The following CATSPERB variants were observed in gnomAD, a reference collection of about 807,000 sequenced individuals.
The protein encoded by CATSPERB is catsper channel auxiliary subunit beta.
Under a neutral mutation model 128.3 loss-of-function variants are expected in CATSPERB, and 93 were observed. That is an observed-to-expected ratio of 0.72 (90% CI 0.61 to 0.86). The LOEUF (loss-of-function observed/expected upper bound fraction) is 0.86, where lower values mean the gene tolerates loss of function less well. Ranked by LOEUF, CATSPERB falls within the 40% of genes least tolerant of loss-of-function variation. The pLI, the probability that CATSPERB is intolerant of heterozygous loss-of-function variation, is 0.00. For synonymous variants in CATSPERB, 381 were observed against 448.8 expected (o/e 0.85, Z 1.91); for missense variants, 1,153 against 1,329.5 (o/e 0.87, Z 2.06).
intron 26 of CATSPERB, among the ~76,000 whole-genome samples, chr14:91,584,286 C>T (rs1893258422): frequency 6.6e-6 from 1 of 152,038 alleles, no homozygotes; most frequent in Non-Finnish European, 1.5e-5. Context: ...CCAGGCTGGT[C>T]TCGAACTCCT....
chr14:91,623,529 C>A (rs1246565149), intron 18 of CATSPERB, among the ~76,000 whole-genome samples: 1 of 152,180 alleles, frequency 6.6e-6, no homozygotes, highest in East Asian at 1.9e-4. Context: ...GTCTCTAGCC[C>A]AGCCATCTTC....
At chr14:91,697,772 G>T (rs1481132193) in intron 7 of CATSPERB, among the ~76,000 whole-genome samples, 2 of 152,126 alleles carry the variant, frequency 1.3e-5, no homozygotes, top group Non-Finnish European at 2.9e-5. Flanking sequence ...TGCTGTTTTG[G>T]TTACTGCAGT....
At chr14:91,654,258 T>C (rs1894752510) in intron 15 of CATSPERB, among the ~76,000 whole-genome samples, 1 of 152,144 alleles carries the variant, frequency 6.6e-6, no homozygotes, top group Non-Finnish European at 1.5e-5. Context: ...AGAAATCAGC[T>C]TGGGTACCAG....
chr14:91,715,328 G>A (rs1327242950), intron 5 of CATSPERB, among the ~76,000 whole-genome samples: 2 of 151,948 alleles, frequency 1.3e-5, no homozygotes, highest in East Asian at 1.9e-4. Context: ...TTGGGAGGCC[G>A]AGGTGGGTGG....
rs571584280 is a variant in CATSPERB at position 91,710,029 on chromosome 14, G to T, written c.371-1793C>A. On this transcript the variant is annotated intron_variant, in intron 5 of 26. Coordinates refer to ENST00000256343, the MANE Select transcript of CATSPERB (RefSeq NM_024764.4). ...TATAGTGAACAATGTATATGAAACA[G>T]CCAAGAGGCTGTGTGAATAGTATTA... 4.1e-4 allele frequency: 63 copies of T among 154,610 alleles called. 2 individuals carry two copies. Among genetic ancestry groups the T allele is most frequent in the Non-Finnish European group, 1.5e-5 (1 of 68,142 alleles). 9.6% of individuals were successfully genotyped at this position (154,610 alleles called of 1,614,324 possible). A position where few individuals can be genotyped will look rare whatever the true frequency, so the allele number is the denominator to read the frequency against.
At chr14:91,673,901 A>C (rs1895145320) in intron 12 of CATSPERB, among the ~76,000 whole-genome samples, 1 of 151,926 alleles carries the variant, frequency 6.6e-6, no homozygotes, top group Admixed American at 6.6e-5. Flanking sequence ...AAAAATCCTT[A>C]ATGTCTGTGC....
chr14:91,659,770 G>C, intron 15 of CATSPERB, 67 bp downstream of exon 15: 1 of 1,487,622 alleles, frequency 6.7e-7, no homozygotes, highest in Non-Finnish European at 9.1e-7. Context: ...AATACGGCAG[G>C]TTTTTCATAT....
chr14:91,682,524 T>A (rs1001665099), intron 11 of CATSPERB, among the ~76,000 whole-genome samples: 2 of 152,184 alleles, frequency 1.3e-5, no homozygotes, highest in African/African-American at 4.8e-5. Flanking sequence ...CCTTCTCACA[T>A]GGAGTCAACC....
In CATSPERB at chr14:91,670,012, G is replaced by T. The variant is rs761172563; in HGVS notation, c.1129-40C>A. The T allele has an allele frequency of 3.8e-6, 6 of 1,563,218 alleles. No individual in the cohort carries two copies. In the South Asian group the frequency reaches 5.9e-5, roughly 15 times the overall value. ...AATGAGCAAGTCATAAGACTAGTCT[G>T]TGTTACAAATTTTAGAATTTCCTGT... is the stretch of plus-strand genomic sequence containing the variant. On this transcript the variant is annotated intron_variant, in intron 13 of 26. Coordinates refer to ENST00000256343, the MANE Select transcript of CATSPERB (RefSeq NM_024764.4).
chr14:91,616,789 T>G (rs2139783097), intron 20 of CATSPERB, among the ~76,000 whole-genome samples: 1 of 135,966 alleles, frequency 7.4e-6, no homozygotes, highest in South Asian at 2.6e-4. Flanking sequence ...TTGCCCAGGC[T>G]GGAGTGCAAT....
chr14:91,685,559 T>C (rs1895359624), intron 10 of CATSPERB, among the ~76,000 whole-genome samples: 2 of 152,158 alleles, frequency 1.3e-5, no homozygotes, highest in African/African-American at 4.8e-5. Context: ...ACCTAAAATC[T>C]TGTGAGGCTA....
intron 22 of CATSPERB, chr14:91,604,702 C>T (rs1226248169): frequency 6.2e-7 from 1 of 1,613,322 alleles, no homozygotes; most frequent in African/African-American, 1.3e-5. Flanking sequence ...TCTGGTTGCT[C>T]CAGGTTGAAT....
chr14:91,633,803 A>C (rs1267952206), intron 17 of CATSPERB, among the ~76,000 whole-genome samples: 1 of 151,968 alleles, frequency 6.6e-6, no homozygotes, highest in Non-Finnish European at 1.5e-5. Context: ...GGTTTAAGAA[A>C]ACTATGAAAT....
At chr14:91,604,513 A>T in intron 22 of CATSPERB, 1 of 1,603,728 alleles carries the variant, frequency 6.2e-7, no homozygotes, top group Non-Finnish European at 8.5e-7. Context: ...CTTCCCCAGC[A>T]GCTTCCAAGG....
intron 15 of CATSPERB, among the ~76,000 whole-genome samples, chr14:91,650,216 T>C (rs1894679579): frequency 6.6e-6 from 1 of 152,214 alleles, no homozygotes; most frequent in African/African-American, 2.4e-5. Flanking sequence ...TTTTATAAAG[T>C]GTCATCACTT....
intron 20 of CATSPERB, among the ~76,000 whole-genome samples, chr14:91,612,580 T>C (rs1275456407): frequency 6.6e-6 from 1 of 152,210 alleles, no homozygotes; most frequent in Non-Finnish European, 1.5e-5. Context: ...CTTTGAACAA[T>C]ATTAAACAGC....
At position 91,704,656 on chromosome 14, in the gene CATSPERB, T is replaced by C; in HGVS notation, c.512A>G (p.Glu171Gly). Residue 171 changes from glutamate (E) to glycine (G), a missense_variant, in exon 7 of 27, where the codon GAA becomes GGA. Physicochemically the swap from Glu to Gly is moderately conservative, Grantham distance 98. Transcript: ENST00000256343. ...CACATGTGGATATAATTTACTGATT[T>C]CACTTTCTGGAATCACATCCCCAGG... ...WTPGDVIPES[E>G]ISKLYPHVVD... 1 of 1,613,900 alleles carries C rather than the reference T, an allele frequency of 6.2e-7. No homozygotes were observed. The highest frequency in any genetic ancestry group is 1.7e-5 in the Admixed American group (1 of 60,004).
intron 10 of CATSPERB, among the ~76,000 whole-genome samples, chr14:91,684,543 T>C (rs1447504407): frequency 1.3e-5 from 2 of 152,054 alleles, no homozygotes; most frequent in African/African-American, 2.4e-5. Context: ...ATCTGTATGA[T>C]CTGTGTGCAA....
rs776785138 is a variant in CATSPERB at position 91,639,227 on chromosome 14, C to T, written c.1456G>A (p.Gly486Arg). Residue 486 changes from glycine to arginine, a missense_variant, in exon 16 of 27, where the codon GGA (glycine) becomes AGA (arginine). Transcript: ENST00000256343. ...GTGAAAATTCTCTCAGTAACACTTC[C>T]GACTGCACTGTATCTTCCCATTCCT... ...KAGMGRYSAV[G>R]SVTERIFTLY... 5.6e-6 allele frequency: 9 copies of T among 1,613,392 alleles called. No individual in the cohort carries two copies. The highest frequency in any genetic ancestry group is 4.5e-5 in the East Asian group (2 of 44,870).
Sources: gnomAD v4.1 joint callset for allele counts (sites outside exome capture counted in the v4.1 genomes callset) on GRCh38, gnomAD v4.1.1 for gene constraint, MANE v1.5 for transcripts, NCBI Gene and HGNC (gene_info 2026-07-23, HGNC 2026-07-21) for gene names.